KIF1B: variants seen among roughly 807,000 people sequenced by gnomAD.
KIF1B encodes kinesin-like protein KIF1B.
A neutral mutation model predicts 241.9 loss-of-function variants in KIF1B; 76 were observed. The ratio of observed to expected loss-of-function variants is 0.31; its 90% confidence interval spans 0.26 to 0.38. The LOEUF is 0.38. Among genes scored for constraint, KIF1B ranks in the 10% least tolerant of loss-of-function variants. KIF1B has a pLI of 1.00. For missense variants in KIF1B, 1,622 were observed against 2,271.4 expected (o/e 0.71, Z 5.81); for synonymous variants, 750 against 796.7 (o/e 0.94, Z 0.99).
intron 22 of KIF1B, chr1:10,305,994 A>G (rs747514235): frequency 4.0e-5 from 42 of 1,051,454 alleles, no homozygotes; most frequent in Non-Finnish European, 4.5e-5. Flanking sequence ...CCAAGATAGC[A>G]GTTAGCATTC....
chr1:10,378,796 C>A lies in KIF1B; in HGVS notation c.*2209C>A, dbSNP rs1433184050. The stretch of plus-strand genomic sequence containing the variant: ...ATTGTGAAGAGGAGGAAAAGTGAAT[C>A]ACGGAGAGAGAAAGGAAAGGATAGA... On this transcript the variant is annotated 3_prime_UTR_variant, in exon 49 of 49. Transcript: ENST00000676179. 1 of 255,726 alleles carries A rather than the reference C, an allele frequency of 3.9e-6. No homozygotes were observed. The highest frequency in any genetic ancestry group is 2.2e-5 in the African/African-American group (1 of 45,990). 15.8% of individuals were successfully genotyped at this position (255,726 alleles called of 1,614,324 possible).
chr1:10,333,371 A>AAAAT (rs771991379), intron 27 of KIF1B, among the ~76,000 whole-genome samples: 4 of 148,288 alleles, frequency 2.7e-5, no homozygotes, highest in South Asian at 2.2e-4. Flanking sequence ...ACTCCATCTC[A>AAAAT]AAATAAATAA....
At position 10,365,596 on chromosome 1, in the gene KIF1B, A is replaced by T. The variant is rs1638548645; in HGVS notation, c.4700A>T (p.Asp1567Val). The T allele has an allele frequency of 1.2e-6, 2 of 1,614,028 alleles. No individual in the cohort carries two copies. The highest frequency in any genetic ancestry group is 1.7e-6 in the Non-Finnish European group (2 of 1,180,044). The change falls in exon 43 of 49, where the codon GAT becomes GTT. Residue 1567 changes from aspartate to valine, a missense_variant. By Grantham distance (152) the Asp-to-Val change is radical. Around this residue, in one of 7 missense-constraint regions of KIF1B, gnomAD observed 357 missense variants for 409.0 expected, o/e 0.87. Coordinates refer to ENST00000676179, the MANE Select transcript of KIF1B (RefSeq NM_001365951.3). The surrounding 1 kb of genome is among the most constrained non-coding windows in gnomAD (Gnocchi z 4.0). ...AITPSESSGY[D>V]SGDIESLVDR... ...ACACCTAGCGAGAGCAGTGGCTATG[A>T]TTCAGGAGACATCGAAAGCCTGGTG...
At chr1:10,245,233 A>G (rs1352590364) in intron 2 of KIF1B, among the ~76,000 whole-genome samples, 1 of 152,222 alleles carries the variant, frequency 6.6e-6, no homozygotes, top group East Asian at 1.9e-4. Context: ...TCTTTATGCT[A>G]AAGTAGCAAA....
rs12143935 is a variant in KIF1B at position 10,339,886 on chromosome 1, A to C, written c.3513+27A>C. On this transcript the variant is annotated intron_variant, in intron 32 of 48. Transcript: ENST00000676179. ...TAAGTGACATGGACCTTTTTGCCAA[A>C]CATATGTTTTTCTGGTACCTTGGCT... 60,644 of 1,590,290 alleles carry C rather than the reference A, an allele frequency of 0.038. 1,352 individuals carry two copies. Among genetic ancestry groups the C allele is most frequent in the Non-Finnish European group, 0.043 (49,972 of 1,158,524 alleles).
intron 38 of KIF1B, among the ~76,000 whole-genome samples, chr1:10,360,144 T>G (rs1400050878): frequency 1.3e-5 from 2 of 152,318 alleles, no homozygotes; most frequent in African/African-American, 4.8e-5. Context: ...TCTGTGGTGT[T>G]TCTGAGGCCC....
intron 2 of KIF1B, among the ~76,000 whole-genome samples, chr1:10,239,772 TA>T (rs1647108627): frequency 6.6e-6 from 1 of 151,886 alleles, no homozygotes; most frequent in Non-Finnish European, 1.5e-5. Flanking sequence ...CATGCCTGGC[TA>T]ATTTTTTTTT....
At chr1:10,304,106 C>T (rs1236063394) in intron 22 of KIF1B, 2 of 1,614,082 alleles carry the variant, frequency 1.2e-6, no homozygotes, top group Admixed American at 1.7e-5. Flanking sequence ...TCTTGGAGTC[C>T]TGGGACACAT....
intron 22 of KIF1B, among the ~76,000 whole-genome samples, chr1:10,299,355 T>C (rs576612475): frequency 6.6e-6 from 1 of 152,340 alleles, no homozygotes; most frequent in African/African-American, 2.4e-5. Context: ...AAGAGCAGCT[T>C]CTTAAAGCAA....
At position 10,377,344 on chromosome 1, in the gene KIF1B, T is replaced by A. The variant is rs902406884; in HGVS notation, c.*757T>A. On this transcript the variant is annotated 3_prime_UTR_variant, in exon 49 of 49. Coordinates refer to ENST00000676179, the MANE Select transcript of KIF1B (RefSeq NM_001365951.3). ...CTGGGACAGTGGCTGCTCTTGACTT[T>A]GTGTGAAGGGAAATGCCAAGGATGC... 3 of 227,952 alleles carry A rather than the reference T, an allele frequency of 1.3e-5. No homozygotes were observed. The highest frequency in any genetic ancestry group is 8.7e-6 in the Non-Finnish European group (1 of 114,640). The allele number at this position is 227,952 out of a possible 1,614,324, so 14.1% of individuals were successfully genotyped here.
intron 36 of KIF1B, among the ~76,000 whole-genome samples, chr1:10,348,291 T>A (rs190765154): frequency 2.7e-3 from 410 of 152,264 alleles, no homozygotes; most frequent in African/African-American, 9.4e-3. Flanking sequence ...CAAGTGGGCA[T>A]AGGGGCTAGG....
chr1:10,211,780 C>A (rs1052653279), intron 1 of KIF1B: 26 of 151,792 alleles, frequency 1.7e-4, no homozygotes, highest in African/African-American at 5.6e-4. Context: ...GGGTGAAATT[C>A]CGTGTTTCTC....
At chr1:10,313,667 C>A (rs899445630) in intron 22 of KIF1B, among the ~76,000 whole-genome samples, 1 of 148,702 alleles carries the variant, frequency 6.7e-6, no homozygotes, top group African/African-American at 2.5e-5. Flanking sequence ...TCTCCTGCCT[C>A]AGGCTCCCGA....
intron 28 of KIF1B, among the ~76,000 whole-genome samples, chr1:10,336,442 C>T (rs530310076): frequency 6.6e-6 from 1 of 152,210 alleles, no homozygotes; most frequent in African/African-American, 2.4e-5. Context: ...CCACCGCACC[C>T]GGCCTGAAAC....
intron 27 of KIF1B, among the ~76,000 whole-genome samples, chr1:10,333,791 G>A (rs567269063): frequency 2.3e-3 from 357 of 152,024 alleles, no homozygotes; most frequent in African/African-American, 8.3e-3. Flanking sequence ...TGCCTTTTTT[G>A]TCTCCTGGTT....
intron 28 of KIF1B, among the ~76,000 whole-genome samples, chr1:10,335,488 G>A (rs1190360811): frequency 1.3e-5 from 2 of 152,118 alleles, no homozygotes; most frequent in Non-Finnish European, 2.9e-5. Context: ...CCTGACCTCA[G>A]ATGATCTGCC....
In KIF1B at chr1:10,326,111, C is replaced by T; in HGVS notation, c.2676C>T (p.Ser892=). Residue 892 remains serine, a splice_region_variant and synonymous_variant, in exon 27 of 49, where the codon AGC becomes AGT. Coordinates refer to ENST00000676179, the MANE Select transcript of KIF1B (RefSeq NM_001365951.3). The surrounding 1 kb of genome is among the most constrained non-coding windows in gnomAD (Gnocchi z 5.2). ...DRFHWFKLVG[S]SPIFHGCVNE... is the part of the protein sequence containing the mutation. ...AATTGGCGTCTTACCTGGTGTCTAG[C>T]TCCCCCATTTTCCACGGCTGTGTGA... The T allele has an allele frequency of 6.2e-7, 1 of 1,614,080 alleles. No individual in the cohort carries two copies. The highest frequency in any genetic ancestry group is 8.5e-7 in the Non-Finnish European group (1 of 1,180,024).
chr1:10,347,939 G>T, intron 36 of KIF1B, 112 bp downstream of exon 36: 1 of 942,460 alleles, frequency 1.1e-6, no homozygotes. Context: ...GAGGGTGGGC[G>T]GGGCATTGTC....
chr1:10,302,752 A>G (rs920278267), intron 22 of KIF1B, among the ~76,000 whole-genome samples: 1 of 152,196 alleles, frequency 6.6e-6, no homozygotes, highest in Non-Finnish European at 1.5e-5. Flanking sequence ...TGTTAGCATG[A>G]TGTGTGGGGC....
Sources: gnomAD v4.1 joint callset for allele counts (sites outside exome capture counted in the v4.1 genomes callset) on GRCh38, gnomAD v4.1.1 for gene constraint, gnomAD v4.1.1 regional missense constraint, Gnocchi (gnomAD v3.1) non-coding constraint, MANE v1.5 for transcripts, NCBI Gene and HGNC (gene_info 2026-07-23, HGNC 2026-07-21) for gene names.